Variants in DST observed in about 807,000 individuals in gnomAD.
DST encodes dystonin.
A neutral mutation model predicts 875.2 loss-of-function variants in DST; 253 were observed. The ratio of observed to expected loss-of-function variants is 0.29; its 90% confidence interval spans 0.26 to 0.32. DST has a LOEUF of 0.32. Ranked by LOEUF, DST falls within the 10% of genes least tolerant of loss-of-function variation. DST has a pLI of 1.00. For missense variants in DST, 8,287 were observed against 9,111.6 expected (o/e 0.91, Z 3.68); for synonymous variants, 3,124 against 3,197.1 (o/e 0.98, Z 0.77).
intron 49 of DST, among the ~76,000 whole-genome samples, chr6:56,591,642 G>A (rs2098274461): frequency 6.6e-6 from 1 of 152,082 alleles, no homozygotes; most frequent in Non-Finnish European, 1.5e-5. Context: ...GGAGGGGCAC[G>A]TCACAAGCCA....
At position 56,472,222 on chromosome 6, in the gene DST, C is replaced by T. The variant is rs2094929865; in HGVS notation, c.21995G>A (p.Arg7332Lys). The T allele has an allele frequency of 6.2e-7, 1 of 1,613,298 alleles. No homozygotes were observed. The highest frequency in any genetic ancestry group is 1.1e-5 in the South Asian group (1 of 90,974). The change falls in exon 94 of 104, where the codon AGA (arginine) becomes AAA (lysine). Residue 7332 changes from arginine (R) to lysine (K), a missense_variant and splice_region_variant. Physicochemically the swap from Arg to Lys is conservative, Grantham distance 26. This residue lies in a region of DST where 1,292 missense variants were observed against 1,552.7 expected (regional missense o/e 0.83). Coordinates refer to ENST00000680361, the MANE Select transcript of DST (RefSeq NM_001374736.1). ...IPVLDKGRAG[R>K]KRFPASSLYP... The stretch of plus-strand genomic sequence containing the variant: ...CAAGCTTGATGCTGGAAAGCGTTTT[C>T]CTGTGAAGGTATAACTTCGGTTAGG...
intron 98 of DST, 48 bp downstream of exon 98, chr6:56,468,934 T>TAA: frequency 6.7e-7 from 1 of 1,486,038 alleles, no homozygotes; most frequent in Non-Finnish European, 9.2e-7. Flanking sequence ...GAATTAAAGT[T>TAA]AAAAAAAAAT....
intron 3 of DST, among the ~76,000 whole-genome samples, chr6:56,895,890 G>A (rs1205002149): frequency 1.8e-4 from 6 of 33,608 alleles, no homozygotes; most frequent in Admixed American, 7.7e-4. Flanking sequence ...GGCGGCGCGC[G>A]CCTGCAATCG....
rs375889300 is a variant in DST at position 56,627,275 on chromosome 6, C to T, written c.4651G>A (p.Glu1551Lys). Residue 1551 changes from glutamate to lysine, a missense_variant, in exon 34 of 104, where the codon GAA (glutamate) becomes AAA (lysine). Transcript: ENST00000680361. ...ATTTTGCTCTGTTTCATTTCTATTT[C>T]GGACACCAGCATCTATAAATATACA... ...QLNQQKMLVS[E>K]IEMKQSKMDE... 180 of 1,611,316 alleles carry T rather than the reference C, an allele frequency of 1.1e-4. No individual in the cohort carries two copies. The highest frequency in any genetic ancestry group is 1.4e-4 in the Non-Finnish European group (168 of 1,178,200).
intron 3 of DST, among the ~76,000 whole-genome samples, chr6:56,860,703 T>C (rs1770677360): frequency 6.6e-6 from 1 of 152,232 alleles, no homozygotes; most frequent in Admixed American, 6.5e-5. Flanking sequence ...TCACACTTGT[T>C]TGATCCAGGG....
At chr6:56,633,502 A>C (rs2098800479) in intron 27 of DST, among the ~76,000 whole-genome samples, 1 of 151,046 alleles carries the variant, frequency 6.6e-6, no homozygotes, top group African/African-American at 2.4e-5. Flanking sequence ...CTGGGATTAC[A>C]GGTGTGAGCC....
At chr6:56,613,550 G>A (rs781089152) in intron 37 of DST, among the ~76,000 whole-genome samples, 26 of 152,294 alleles carry the variant, frequency 1.7e-4, no homozygotes, top group East Asian at 3.9e-4. Context: ...ATTTCTAAAC[G>A]TCAGACAAGA....
intron 4 of DST, among the ~76,000 whole-genome samples, chr6:56,767,472 C>T (rs1003875740): frequency 2.6e-5 from 4 of 151,876 alleles, no homozygotes; most frequent in Non-Finnish European, 5.9e-5. Flanking sequence ...CAAAAATTAG[C>T]GTGGCATGGT....
intron 4 of DST, chr6:56,843,299 G>C: frequency 8.1e-7 from 1 of 1,236,260 alleles, no homozygotes; most frequent in South Asian, 3.7e-5. Flanking sequence ...ACGCAGAGCG[G>C]GGGCGCAGGG....
At chr6:56,596,558 G>A (rs1305982845) in intron 47 of DST, among the ~76,000 whole-genome samples, 1 of 152,102 alleles carries the variant, frequency 6.6e-6, no homozygotes, top group East Asian at 1.9e-4. Context: ...CATTTTAAGA[G>A]ACTTTATTTT....
rs1181917077 is a variant in DST at position 56,552,452 on chromosome 6, T to G, written c.16340A>C (p.Lys5447Thr). The change falls in exon 61 of 104, where the codon AAG (lysine) becomes ACG (threonine). Residue 5447 changes from lysine (K) to threonine (T), a missense_variant. Coordinates refer to ENST00000680361, the MANE Select transcript of DST (RefSeq NM_001374736.1). ...GGTTTCTTCTGTGGCTAACATCATC[T>G]TGCAGGTTTTATTGGCATTGTCATT... ...ASNDNANKTC[K>T]MMLATEETSP... 1 of 1,614,030 alleles carries G rather than the reference T, an allele frequency of 6.2e-7. No individual in the cohort carries two copies. The highest frequency in any genetic ancestry group is 1.7e-5 in the Admixed American group (1 of 60,030).
chr6:56,519,489 G>A (rs1346740957), intron 69 of DST, among the ~76,000 whole-genome samples: 1 of 152,136 alleles, frequency 6.6e-6, no homozygotes, highest in Admixed American at 6.5e-5. Context: ...GAGACCATGT[G>A]GGGAGGCTGG....
At chr6:56,615,379 T>G in intron 36 of DST, 1 of 1,524,922 alleles carries the variant, frequency 6.6e-7, no homozygotes, top group Non-Finnish European at 8.8e-7. Context: ...TTTGAGCACT[T>G]AGCAATTTGC....
Position 56,833,600 on chromosome 6 carries a change from T to C in DST, c.625+17797A>G, listed in dbSNP as rs2099789975. On this transcript the variant is annotated intron_variant, in intron 4 of 103. Transcript: ENST00000680361. ...GCTGCCAACCAACTGGATACCTGAATTGCAGCTACAACAGCATATTAGATA... is the reference window on the plus strand; with the variant it reads ...GCTGCCAACCAACTGGATACCTGAACTGCAGCTACAACAGCATATTAGATA... Among the ~76,000 whole-genome samples the C allele has an allele frequency of 2.0e-5, 3 of 152,122 alleles. No homozygotes were observed. In the South Asian group the frequency reaches 6.2e-4, roughly 32 times the overall value.
intron 46 of DST, 93 bp downstream of exon 46, chr6:56,598,383 T>C (rs2098412151): frequency 1.3e-6 from 1 of 752,360 alleles, no homozygotes; most frequent in South Asian, 3.3e-5. Flanking sequence ...TTAGTGATAA[T>C]CCTTATTTAC....
chr6:56,566,769 C>G (rs2097686506), intron 55 of DST, among the ~76,000 whole-genome samples: 1 of 152,176 alleles, frequency 6.6e-6, no homozygotes, highest in Non-Finnish European at 1.5e-5. Context: ...AAAAGAGCAT[C>G]TGCCTTACTT....
At position 56,616,954 on chromosome 6, in the gene DST, T is replaced by C. The variant is rs777489252; in HGVS notation, c.4930-2470A>G. 1.9e-6 allele frequency: 3 copies of C among 1,604,290 alleles called. No individual in the cohort carries two copies. Among genetic ancestry groups the C allele is most frequent in the Non-Finnish European group, 2.6e-6 (3 of 1,174,530 alleles). On this transcript the variant is annotated intron_variant, in intron 36 of 103. Transcript: ENST00000680361. ...TAAAACCTGTTGCAGCCTGAGCTTC[T>C]AAAAATGCCAAAGCCACCATTTTGT...
In DST at chr6:56,536,894, T is replaced by C. The variant is rs771585221; in HGVS notation, c.16655A>G (p.Asp5552Gly). 10 of 1,613,948 alleles carry C rather than the reference T, an allele frequency of 6.2e-6. No individual in the cohort carries two copies. The highest frequency in any genetic ancestry group is 3.3e-5 in the South Asian group (3 of 91,064). The change falls in exon 62 of 104, where the codon GAT (aspartate) becomes GGT (glycine). Residue 5552 changes from aspartate to glycine, a missense_variant. Physicochemically the swap from Asp to Gly is moderately conservative, Grantham distance 94. Transcript: ENST00000680361. ...AAGGCCTTGACCTAACCAGTTTACA[T>C]CTTGCTGTTTACCTTGCAAGGGTTC... is the stretch of plus-strand genomic sequence containing the variant. Reference protein sequence around the residue: ...EIEPLQGKQQDVNWLGQGLIQ... With the variant: ...EIEPLQGKQQGVNWLGQGLIQ...
At chr6:56,521,457 T>G (rs879659783) in intron 69 of DST, among the ~76,000 whole-genome samples, 25 of 145,194 alleles carry the variant, frequency 1.7e-4, no homozygotes, top group Non-Finnish European at 2.7e-4. Context: ...TAATATTAGT[T>G]TAACACTATG....
Sources: gnomAD v4.1 joint callset for allele counts (sites outside exome capture counted in the v4.1 genomes callset) on GRCh38, gnomAD v4.1.1 for gene constraint, gnomAD v4.1.1 regional missense constraint, MANE v1.5 for transcripts, NCBI Gene and HGNC (gene_info 2026-07-23, HGNC 2026-07-21) for gene names.